Variants in ESRRG observed in about 807,000 individuals in gnomAD.
ESRRG encodes estrogen related receptor gamma.
ESRRG carries 13 observed loss-of-function variants against 44.0 expected under a neutral mutation model. The observed-to-expected ratio is 0.30, with a 90% CI of 0.19 to 0.47. The LOEUF (loss-of-function observed/expected upper bound fraction) is 0.47, where lower values mean the gene tolerates loss of function less well. Among genes scored for constraint, ESRRG ranks in the 20% least tolerant of loss-of-function variants. ESRRG has a pLI of 1.00. For synonymous variants in ESRRG, 215 were observed against 214.6 expected (o/e 1.00, Z -0.02); for missense variants, 395 against 580.6 (o/e 0.68, Z 3.29).
chr1:216,561,903 A>G (rs957980595), intron 5 of ESRRG, among the ~76,000 whole-genome samples: 1 of 152,200 alleles, frequency 6.6e-6, no homozygotes, highest in African/African-American at 2.4e-5. Context: ...CCTCAGCTTA[A>G]GACTGAACCC....
In ESRRG at chr1:216,511,086, A is replaced by C. The variant is rs537903320; in HGVS notation, c.1133-3903T>G. ...AGCCTAGTATATAACATAAACCAAC[A>C]GTCAGTGTAAACTTTTCTGTGAAAC... On this transcript the variant is annotated intron_variant, in intron 6 of 6. Transcript: ENST00000408911. 3.9e-5 allele frequency among the ~76,000 whole-genome samples: 6 copies of C among 152,236 alleles called. No homozygotes were observed. The South Asian group carries it at 1.2e-3, about 32-fold the overall frequency.
At chr1:216,849,055 GA>G (rs1436373110) in intron 2 of ESRRG, among the ~76,000 whole-genome samples, 1 of 151,988 alleles carries the variant, frequency 6.6e-6, no homozygotes, top group Non-Finnish European at 1.5e-5. Flanking sequence ...AAAGAAAAAT[GA>G]GACAGTAAAT....
intron 3 of ESRRG, among the ~76,000 whole-genome samples, chr1:216,579,791 G>T (rs1457400120): frequency 6.6e-6 from 1 of 152,152 alleles, no homozygotes; most frequent in Non-Finnish European, 1.5e-5. Context: ...GCAGCTGAAG[G>T]CTAGATGTTG....
At chr1:216,644,609 A>G (rs1269446664) in intron 3 of ESRRG, among the ~76,000 whole-genome samples, 1 of 150,808 alleles carries the variant, frequency 6.6e-6, no homozygotes, top group Non-Finnish European at 1.5e-5. Flanking sequence ...TTTACTTTTT[A>G]TTTTTTGGTA....
chr1:216,705,376 A>G (rs1199182842), intron 1 of ESRRG, among the ~76,000 whole-genome samples: 2 of 152,112 alleles, frequency 1.3e-5, no homozygotes, highest in Non-Finnish European at 2.9e-5. Flanking sequence ...AATCTGTGTA[A>G]ATTATTCACT....
chr1:216,835,470 G>A (rs2095549749), intron 2 of ESRRG, among the ~76,000 whole-genome samples: 1 of 152,188 alleles, frequency 6.6e-6, no homozygotes, highest in Non-Finnish European at 1.5e-5. Context: ...GTATTGGCCA[G>A]CCTGTTACAG....
At chr1:216,971,528 C>T (rs1293823518) in intron 1 of ESRRG, among the ~76,000 whole-genome samples, 2 of 152,136 alleles carry the variant, frequency 1.3e-5, no homozygotes, top group African/African-American at 4.8e-5. Context: ...ACCAAAATGC[C>T]TCAAAAGATT....
chr1:216,547,791 G>C (rs1033315198), intron 5 of ESRRG, among the ~76,000 whole-genome samples: 5 of 152,020 alleles, frequency 3.3e-5, no homozygotes, highest in African/African-American at 1.2e-4. Context: ...GGCAAACATT[G>C]AGATCAGTAG....
intron 1 of ESRRG, among the ~76,000 whole-genome samples, chr1:216,952,126 C>T (rs375611696): frequency 2.3e-4 from 35 of 152,216 alleles, no homozygotes; most frequent in African/African-American, 7.0e-4. Flanking sequence ...GCCAACACCC[C>T]CACTGGTCTT....
At chr1:216,817,487 G>A (rs1293040793) in intron 2 of ESRRG, among the ~76,000 whole-genome samples, 39 of 152,090 alleles carry the variant, frequency 2.6e-4, no homozygotes, top group Admixed American at 2.6e-3. Context: ...ACATAAATAG[G>A]CTTAGATGAT....
At chr1:216,970,128 G>A (rs1206508088) in intron 1 of ESRRG, among the ~76,000 whole-genome samples, 2 of 152,010 alleles carry the variant, frequency 1.3e-5, no homozygotes, top group African/African-American at 4.8e-5. Flanking sequence ...AAGTTCAAGT[G>A]GGCTACTATA....
chr1:216,718,805 G>T (rs1475636438), intron 1 of ESRRG, among the ~76,000 whole-genome samples: 1 of 151,912 alleles, frequency 6.6e-6, no homozygotes, highest in Non-Finnish European at 1.5e-5. Flanking sequence ...CCATGAATTT[G>T]CTATGAAGCA....
chr1:216,883,758 A>C (rs1029415280), intron 2 of ESRRG, among the ~76,000 whole-genome samples: 1 of 152,202 alleles, frequency 6.6e-6, no homozygotes, highest in Non-Finnish European at 1.5e-5. Context: ...TGCCTGTAAG[A>C]GCAGTCAGTT....
chr1:216,514,358 T>C (rs2043554540), intron 6 of ESRRG, among the ~76,000 whole-genome samples: 1 of 152,136 alleles, frequency 6.6e-6, no homozygotes. Context: ...CCTGATAGTA[T>C]TACTTATGGT....
chr1:217,068,199 A>G (rs1380311938), intron 1 of ESRRG, among the ~76,000 whole-genome samples: 1 of 152,132 alleles, frequency 6.6e-6, no homozygotes, highest in Non-Finnish European at 1.5e-5. Context: ...CAGGAGGAAA[A>G]ATAAGTGATA....
chr1:216,848,259 G>A (rs2095790028), intron 2 of ESRRG, among the ~76,000 whole-genome samples: 1 of 152,148 alleles, frequency 6.6e-6, no homozygotes, highest in Non-Finnish European at 1.5e-5. Context: ...GGGTGGGAAT[G>A]AAGAAAGCAA....
rs1238903965 is a variant in ESRRG at position 216,506,907 on chromosome 1, A to T, written c.*32T>A. ...TTGGGTTTATTTTCCCTTTTTCAAC[A>T]TGAAGGATGGGAAGGCCCAGGGAGC... On this transcript the variant is annotated 3_prime_UTR_variant, in exon 7 of 7. Coordinates refer to ENST00000408911, the MANE Select transcript of ESRRG (RefSeq NM_001438.4). 6.3e-7 allele frequency: 1 copy of T among 1,589,646 alleles called. No individual in the cohort carries two copies. Among genetic ancestry groups the T allele is most frequent in the East Asian group, 2.2e-5 (1 of 44,730 alleles).
At chr1:217,036,259 C>T (rs1048244377) in intron 1 of ESRRG, among the ~76,000 whole-genome samples, 3 of 152,150 alleles carry the variant, frequency 2.0e-5, no homozygotes, top group Non-Finnish European at 4.4e-5. Context: ...GTGGTGATTT[C>T]TCAAAGTCCT....
At chr1:216,736,393 C>A (rs1388764529) in intron 2 of ESRRG, among the ~76,000 whole-genome samples, 1 of 151,886 alleles carries the variant, frequency 6.6e-6, no homozygotes, top group Admixed American at 6.6e-5. Flanking sequence ...CCGTGTTAGC[C>A]AGGATGGTCT....
Sources: gnomAD v4.1 joint callset for allele counts (sites outside exome capture counted in the v4.1 genomes callset) on GRCh38, gnomAD v4.1.1 for gene constraint, MANE v1.5 for transcripts, NCBI Gene and HGNC (gene_info 2026-07-23, HGNC 2026-07-21) for gene names.